SLC36A1: variants seen among roughly 807,000 people sequenced by gnomAD.
SLC36A1 encodes proton-coupled amino acid transporter 1.
SLC36A1 carries 30 observed loss-of-function variants against 47.5 expected under a neutral mutation model. The ratio of observed to expected loss-of-function variants is 0.63; its 90% CI spans 0.47 to 0.86. The LOEUF is 0.86. Among genes scored for constraint, SLC36A1 ranks in the 40% least tolerant of loss-of-function variants. SLC36A1 has a pLI of 0.00. For synonymous variants in SLC36A1, 255 were observed against 249.7 expected (o/e 1.02, Z -0.20); for missense variants, 517 against 606.0 (o/e 0.85, Z 1.54).
At chr5:151,549,150 G>A in the SLC36A1 span, 1 of 695,926 alleles carries the variant, frequency 1.4e-6, no homozygotes, top group East Asian at 2.7e-5. Flanking sequence ...AATTTAGGTA[G>A]TCCCAGGGAA....
the SLC36A1 span, among the ~76,000 whole-genome samples, chr5:151,376,839 G>A: frequency 6.6e-6 from 1 of 152,082 alleles, no homozygotes; most frequent in Non-Finnish European, 1.5e-5. Flanking sequence ...CATCATATTG[G>A]TCAGGCTGGT....
At chr5:151,548,327 ATTAT>A in the SLC36A1 span, among the ~76,000 whole-genome samples, 1 of 151,378 alleles carries the variant, frequency 6.6e-6, no homozygotes, top group Non-Finnish European at 1.5e-5. Flanking sequence ...AATATCATTA[ATTAT>A]GTATTATAAT....
At chr5:151,511,465 C>A in the SLC36A1 span, 2 of 152,274 alleles carry the variant, frequency 1.3e-5, no homozygotes, top group African/African-American at 4.8e-5. Context: ...GTGACTTCCA[C>A]CCCTGGGTGT....
intron 9 of SLC36A1, chr5:151,477,005 C>T: frequency 1.6e-6 from 1 of 627,900 alleles, no homozygotes; most frequent in South Asian, 1.5e-5. Flanking sequence ...CTTGGAATTC[C>T]TAAGCTCAGA....
chr5:151,442,744 A>G (rs1021080845), upstream of SLC36A1, among the ~76,000 whole-genome samples: 1 of 151,966 alleles, frequency 6.6e-6, no homozygotes, highest in Admixed American at 6.6e-5. Flanking sequence ...AGACTTATGG[A>G]TCCTACATAT....
chr5:151,461,639 C>G (rs1755529662), intron 2 of SLC36A1, among the ~76,000 whole-genome samples: 1 of 152,140 alleles, frequency 6.6e-6, no homozygotes, highest in Admixed American at 6.5e-5. Context: ...GATATTTGCA[C>G]TTATAATGTA....
the SLC36A1 span, chr5:151,412,886 G>A: frequency 6.9e-6 from 1 of 144,162 alleles, no homozygotes; most frequent in Non-Finnish European, 1.5e-5. Flanking sequence ...CAAAAACCTT[G>A]TCTCCCAAAA....
chr5:151,484,986 A>G (rs1759326840), intron 10 of SLC36A1, among the ~76,000 whole-genome samples: 1 of 152,088 alleles, frequency 6.6e-6, no homozygotes, highest in African/African-American at 2.4e-5. Flanking sequence ...CCCAGACCCC[A>G]GAGAGGGCAA....
chr5:151,381,017 C>G, the SLC36A1 span: 2 of 397,780 alleles, frequency 5.0e-6, no homozygotes, highest in Admixed American at 3.4e-5. Context: ...AGACTATGCT[C>G]TCTTGTTGAA....
chr5:151,360,061 T>C, the SLC36A1 span, among the ~76,000 whole-genome samples: 3 of 152,240 alleles, frequency 2.0e-5, no homozygotes, highest in African/African-American at 7.2e-5. Context: ...AGTAGAATTG[T>C]TCCATTGTAT....
At chr5:151,516,595 T>C in the SLC36A1 span, among the ~76,000 whole-genome samples, 2 of 152,174 alleles carry the variant, frequency 1.3e-5, no homozygotes, top group African/African-American at 2.4e-5. Flanking sequence ...ATAATACTTA[T>C]CACATTTGAA....
chr5:151,407,029 C>T, the SLC36A1 span, among the ~76,000 whole-genome samples: 59 of 151,802 alleles, frequency 3.9e-4, no homozygotes, highest in Non-Finnish European at 5.6e-4. Flanking sequence ...AAAGGTGGCG[C>T]GTCCAGAGTT....
the SLC36A1 span, among the ~76,000 whole-genome samples, chr5:151,428,080 G>A: frequency 1.3e-5 from 2 of 152,178 alleles, no homozygotes; most frequent in Non-Finnish European, 2.9e-5. Context: ...GGTGGAGGTG[G>A]TGGCTCTCCC....
chr5:151,436,141 A>G (rs528445274), upstream of SLC36A1, among the ~76,000 whole-genome samples: 10 of 152,274 alleles, frequency 6.6e-5, no homozygotes, highest in South Asian at 2.1e-3. Context: ...TATACAATAA[A>G]ATGCACAGAT....
the SLC36A1 span, among the ~76,000 whole-genome samples, chr5:151,506,973 A>G: frequency 2.0e-5 from 3 of 152,248 alleles, no homozygotes; most frequent in Non-Finnish European, 4.4e-5. Context: ...AATGAGCCTC[A>G]GAAACCTGGT....
intron 9 of SLC36A1, 183 bp downstream of exon 9, chr5:151,476,939 T>A: frequency 1.3e-6 from 1 of 768,070 alleles, no homozygotes; most frequent in Non-Finnish European, 2.2e-6. Flanking sequence ...GGAATTCATG[T>A]AGAGCCTTCT....
the SLC36A1 span, chr5:151,525,702 G>A: frequency 2.5e-6 from 4 of 1,571,500 alleles, no homozygotes; most frequent in South Asian, 1.1e-5. Flanking sequence ...AGAAGCACTG[G>A]TGGGGCTTTT....
chr5:151,554,264 C>T, the SLC36A1 span: 62 of 1,132,530 alleles, frequency 5.5e-5, no homozygotes, highest in South Asian at 8.4e-4. Context: ...TACCATTTCC[C>T]TTATGCTGGT....
chr5:151,370,203 A>G, the SLC36A1 span, among the ~76,000 whole-genome samples: 5 of 152,262 alleles, frequency 3.3e-5, no homozygotes, highest in Admixed American at 3.3e-4. Context: ...CTGTATTGGA[A>G]GCAGATTATA....
Sources: gnomAD v4.1 joint callset for allele counts (sites outside exome capture counted in the v4.1 genomes callset) on GRCh38, gnomAD v4.1.1 for gene constraint, MANE v1.5 for transcripts, NCBI Gene and HGNC (gene_info 2026-07-23, HGNC 2026-07-21) for gene names.